Variants in SEZ6L2 observed in about 807,000 individuals in gnomAD.
SEZ6L2 encodes seizure 6-like protein 2.
Under a neutral mutation model 97.0 loss-of-function variants are expected in SEZ6L2, and 44 were observed. That is an observed-to-expected ratio of 0.45 (90% confidence interval 0.36 to 0.58). The LOEUF (loss-of-function observed/expected upper bound fraction) is 0.58, where lower values mean the gene tolerates loss of function less well. Among genes scored for constraint, SEZ6L2 ranks in the 20% least tolerant of loss-of-function variants. The probability of loss-of-function intolerance (pLI) is 0.00; values close to 1 mark genes in which losing one functional copy is unlikely to be tolerated. For missense variants in SEZ6L2, 1,086 were observed against 1,233.3 expected, an observed-to-expected ratio of 0.88 and a Z score of 1.79; for synonymous variants, 543 against 546.1, an observed-to-expected ratio of 0.99 and a Z score of 0.08.
chr16:29,897,154 A>G, intron 2 of SEZ6L2, 33 bp from the exon 3 acceptor site: 1 of 1,489,872 alleles, frequency 6.7e-7, no homozygotes, highest in Non-Finnish European at 9.0e-7. Flanking sequence ...AGAGCACAGG[A>G]GGAGCACATG....
chr16:29,899,177 G>T lies in SEZ6L2; in HGVS notation c.-158C>A. ...GAAAGACAATTTCTCTGCCCCTTGG[G>T]ATGGAGGGGCAGAATTGGGCTAGGG... is the stretch of plus-strand genomic sequence containing the variant. On this transcript the variant is annotated 5_prime_UTR_variant, in exon 1 of 18. Transcript: ENST00000617533. 3 of 619,622 alleles carry T rather than the reference G, an allele frequency of 4.8e-6. No individual in the cohort carries two copies. The highest frequency in any genetic ancestry group is 3.5e-5 in the South Asian group (2 of 56,712). 38.4% of individuals were successfully genotyped at this position (619,622 alleles called of 1,614,324 possible). A position where few individuals can be genotyped will look rare whatever the true frequency, so the allele number is the denominator to read the frequency against.
Position 29,885,569 on chromosome 16 carries a change from G to C in SEZ6L2, c.1372+17C>G. ...AGGTGTGGCGGTTGGGGTCCTGTGGGGGAGTGGGTCACTTACCTTCAAATC... is the reference window on the plus strand; with the variant it reads ...AGGTGTGGCGGTTGGGGTCCTGTGGCGGAGTGGGTCACTTACCTTCAAATC... On this transcript the variant is annotated intron_variant, in intron 8 of 17. Coordinates refer to ENST00000617533, the MANE Select transcript of SEZ6L2 (RefSeq NM_001243332.2). 6.2e-7 allele frequency: 1 copy of C among 1,608,572 alleles called. No individual in the cohort carries two copies. Among genetic ancestry groups the C allele is most frequent in the East Asian group, 2.2e-5 (1 of 44,722 alleles).
chr16:29,888,129 C>A (rs973556682), intron 6 of SEZ6L2, among the ~76,000 whole-genome samples: 11 of 152,088 alleles, frequency 7.2e-5, no homozygotes, highest in African/African-American at 2.7e-4. Flanking sequence ...AATTCAAAGC[C>A]TCAGCTGGGA....
At position 29,878,311 on chromosome 16, in the gene SEZ6L2, T is replaced by G. The variant is rs760877017; in HGVS notation, c.1688A>C (p.Lys563Thr). 2 of 1,594,420 alleles carry G rather than the reference T, an allele frequency of 1.3e-6. No individual in the cohort carries two copies. The highest frequency in any genetic ancestry group is 1.7e-6 in the Non-Finnish European group (2 of 1,169,426). The change falls in exon 10 of 18, where the codon AAG becomes ACG. Residue 563 changes from lysine (K) to threonine (T), a missense_variant. Transcript: ENST00000617533. Reference protein sequence around the residue: ...CVWGVHVQEEKRILLQVEILN... With the variant: ...CVWGVHVQEETRILLQVEILN... ...CATCTCAACTTGGAGCAAGATGCGC[T>G]TCTCTTCCTGGACGTGCACGCCCCA... is the stretch of plus-strand genomic sequence containing the variant.
At chr16:29,879,647 G>C (rs1444889079) in intron 9 of SEZ6L2, among the ~76,000 whole-genome samples, 2 of 152,140 alleles carry the variant, frequency 1.3e-5, no homozygotes, top group African/African-American at 2.4e-5. Context: ...AGCAGTTCTC[G>C]CTCTTGAAGA....
intron 7 of SEZ6L2, 96 bp downstream of exon 7, chr16:29,887,553 C>G: frequency 1.7e-6 from 2 of 1,192,274 alleles, no homozygotes. Context: ...ACCTTGTGAT[C>G]CGCCTGCTTC....
At chr16:29,872,045 G>T in intron 17 of SEZ6L2, 142 bp downstream of exon 17, 1 of 687,478 alleles carries the variant, frequency 1.5e-6, no homozygotes, top group Non-Finnish European at 2.4e-6. Flanking sequence ...TATACACATG[G>T]CTTGCTATGC....
At chr16:29,881,525 G>A (rs2068028842) in intron 8 of SEZ6L2, among the ~76,000 whole-genome samples, 1 of 150,978 alleles carries the variant, frequency 6.6e-6, no homozygotes, top group Admixed American at 6.6e-5. Context: ...GTGAACATTT[G>A]TAGAGCATTT....
intron 4 of SEZ6L2, 58 bp downstream of exon 4, chr16:29,895,663 C>G: frequency 3.8e-6 from 6 of 1,568,134 alleles, no homozygotes; most frequent in Admixed American, 1.8e-5. Flanking sequence ...CCGTGCACAC[C>G]CACAGCCCAG....
At position 29,873,264 on chromosome 16, in the gene SEZ6L2, T is replaced by C; in HGVS notation, c.2464A>G (p.Thr822Ala). 6.2e-7 allele frequency: 1 copy of C among 1,613,736 alleles called. No individual in the cohort carries two copies. Among genetic ancestry groups the C allele is most frequent in the Non-Finnish European group, 8.5e-7 (1 of 1,179,922 alleles). The change falls in exon 14 of 18, where the codon ACC becomes GCC. Residue 822 changes from threonine to alanine, a missense_variant. Thr to Ala is a moderately conservative substitution (Grantham distance 58). Around this residue, in one of 2 missense-constraint regions of SEZ6L2, gnomAD observed 310 missense variants for 438.6 expected, o/e 0.71. Coordinates refer to ENST00000617533, the MANE Select transcript of SEZ6L2 (RefSeq NM_001243332.2). The surrounding 1 kb of genome is among the most constrained non-coding windows in gnomAD (Gnocchi z 4.3). ...TCVPGHPSQW[T>A]SQPPLCKVAY... ...CCTTTGCAGAGTGGGGGCTGGCTGG[T>C]CCACTGGGAGGGGTGGCCGGGCACA... is the stretch of plus-strand genomic sequence containing the variant.
In SEZ6L2 at chr16:29,899,261, T is replaced by G; in HGVS notation, c.-242A>C. ...CCTCTGTCCTCTTCTCGCGGCTCTGTGGTGGAGGGGGCGCGGCTCCGGCTG... is the reference window on the plus strand; with the variant it reads ...CCTCTGTCCTCTTCTCGCGGCTCTGGGGTGGAGGGGGCGCGGCTCCGGCTG... On this transcript the variant is annotated 5_prime_UTR_variant, in exon 1 of 18. Coordinates refer to ENST00000617533, the MANE Select transcript of SEZ6L2 (RefSeq NM_001243332.2). The G allele has an allele frequency of 8.8e-6, 4 of 455,508 alleles. No homozygotes were observed. Among genetic ancestry groups the G allele is most frequent in the Non-Finnish European group, 1.2e-5 (3 of 258,284 alleles). 28.2% of individuals were successfully genotyped at this position (455,508 alleles called of 1,614,324 possible).
chr16:29,898,117 T>TA lies in SEZ6L2; in HGVS notation c.80-134_80-133insT, dbSNP rs2068446819. On this transcript the variant is annotated intron_variant, in intron 1 of 17. Transcript: ENST00000617533. ...GGGCTCAGATGGTCCCAGGCTCGACTGAGGGCCAAGATCGGAGGAGGGGCT... is the reference window on the plus strand; with the variant it reads ...GGGCTCAGATGGTCCCAGGCTCGACTAGAGGGCCAAGATCGGAGGAGGGGCT... 3.0e-6 allele frequency: 4 copies of TA among 1,332,790 alleles called. No individual in the cohort carries two copies. The Admixed American group carries it at 9.9e-5, about 33-fold the overall frequency. 82.6% of individuals were successfully genotyped at this position (1,332,790 alleles called of 1,614,324 possible). A position where few individuals can be genotyped will look rare whatever the true frequency, so the allele number is the denominator to read the frequency against.
Position 29,887,643 on chromosome 16 carries a change from C to G in SEZ6L2, c.1208+6G>C. Reference sequence around the variant, plus strand: ...GGGACTTCTGACCCAAGACCCAGACCCTTACCGGTCATTGTCCTCATCCAG... The same window carrying G: ...GGGACTTCTGACCCAAGACCCAGACGCTTACCGGTCATTGTCCTCATCCAG... On this transcript the variant is annotated splice_donor_region_variant and intron_variant, in intron 7 of 17. Coordinates refer to ENST00000617533, the MANE Select transcript of SEZ6L2 (RefSeq NM_001243332.2). 6.4e-7 allele frequency: 1 copy of G among 1,561,376 alleles called. No homozygotes were observed. Among genetic ancestry groups the G allele is most frequent in the Non-Finnish European group, 8.7e-7 (1 of 1,150,302 alleles).
At chr16:29,895,062 C>T (rs1596991294) in intron 5 of SEZ6L2, among the ~76,000 whole-genome samples, 197 bp downstream of exon 5, 1 of 151,822 alleles carries the variant, frequency 6.6e-6, no homozygotes, top group East Asian at 1.9e-4. Context: ...GTCTGTAGTC[C>T]CAGCTACTTG....
chr16:29,886,875 C>T (rs924798115), intron 7 of SEZ6L2, among the ~76,000 whole-genome samples: 2 of 152,118 alleles, frequency 1.3e-5, no homozygotes, highest in African/African-American at 4.8e-5. Context: ...TTCACAGCTA[C>T]ACTTCCTAAG....
At position 29,899,464 on chromosome 16, in the gene SEZ6L2, G is replaced by A. The variant is rs1303132138; in HGVS notation, c.-445C>T. On this transcript the variant is annotated 5_prime_UTR_variant, in exon 1 of 18. Coordinates refer to ENST00000617533, the MANE Select transcript of SEZ6L2 (RefSeq NM_001243332.2). ...GAGGGGGTCTCCACTGGGCTCTAGC[G>A]GGGCTTGTCGGGGAGGGGAAGGGGT... 6.5e-6 allele frequency: 1 copy of A among 153,856 alleles called. No individual in the cohort carries two copies. Among genetic ancestry groups the A allele is most frequent in the Non-Finnish European group, 1.4e-5 (1 of 69,410 alleles). 9.5% of individuals were successfully genotyped at this position (153,856 alleles called of 1,614,324 possible).
intron 8 of SEZ6L2, among the ~76,000 whole-genome samples, chr16:29,881,620 C>CTT (rs59318540): frequency 0.092 from 7,819 of 84,716 alleles, 282 homozygotes; most frequent in Non-Finnish European, 0.13. Flanking sequence ...ATGAGGAATT[C>CTT]TTTTTTTTTT....
chr16:29,893,239 G>T (rs1005421665), intron 5 of SEZ6L2, among the ~76,000 whole-genome samples: 2 of 151,900 alleles, frequency 1.3e-5, no homozygotes, highest in Non-Finnish European at 2.9e-5. Context: ...CAGGAGAATC[G>T]CTTGAACCCG....
intron 7 of SEZ6L2, chr16:29,885,985 G>C (rs2068132006): frequency 2.6e-6 from 1 of 390,186 alleles, no homozygotes; most frequent in South Asian, 5.7e-5. Context: ...GAAAGATCAA[G>C]TAACCTGTCC....
Sources: allele counts gnomAD v4.1 joint callset (sites outside exome capture counted in the v4.1 genomes callset), GRCh38; gene constraint gnomAD v4.1.1; regional missense constraint gnomAD v4.1.1; non-coding constraint Gnocchi (gnomAD v3.1); transcripts MANE v1.5; gene names NCBI Gene and HGNC (gene_info 2026-07-23, HGNC 2026-07-21).